The following RBM25 variants were observed in gnomAD, a reference collection of about 807,000 sequenced individuals.
RBM25 encodes RNA-binding protein 25.
RBM25 carries 19 observed loss-of-function variants against 120.7 expected under a neutral mutation model. That is an observed-to-expected ratio of 0.16 (90% CI 0.11 to 0.23). RBM25 has a LOEUF of 0.23. Among genes scored for constraint, RBM25 ranks in the 10% least tolerant of loss-of-function variants. The pLI is 1.00. For missense variants in RBM25, 605 were observed against 1,041.5 expected, an observed-to-expected ratio of 0.58 and a Z score of 5.77; for synonymous variants, 390 against 326.7, an observed-to-expected ratio of 1.19 and a Z score of -2.09.
chr14:73,111,481 A>G (rs1364248507), intron 15 of RBM25, 47 bp from the exon 16 acceptor site: 2 of 1,522,812 alleles, frequency 1.3e-6, no homozygotes, highest in South Asian at 2.6e-5. Context: ...ATAAAATGAA[A>G]CATTTGGAAA....
chr14:73,111,789 C>A lies in RBM25; in HGVS notation c.2279C>A (p.Ser760Tyr). ...CTCTTCGCTTATCCCCTGGATTGGT[C>A]TATTGTGGATTCTGTGAGTAGGAAA... ...PELFAYPLDWSIVDSILMERR... is the reference protein window; with the variant it reads ...PELFAYPLDWYIVDSILMERR... Residue 760 changes from serine to tyrosine, a missense_variant, in exon 16 of 19, where the codon TCT (serine) becomes TAT (tyrosine). Transcript: ENST00000261973. The A allele has an allele frequency of 6.2e-7, 1 of 1,602,082 alleles. No individual in the cohort carries two copies. Among genetic ancestry groups the A allele is most frequent in the Non-Finnish European group, 8.5e-7 (1 of 1,176,000 alleles).
chr14:73,100,683 T>TA lies in RBM25; in HGVS notation c.867+934dup, dbSNP rs368758413. 182 of 178,692 alleles carry TA rather than the reference T, an allele frequency of 1.0e-3. 2 individuals are homozygous for TA. Among genetic ancestry groups the TA allele is most frequent in the African/African-American group, 1.1e-3 (46 of 42,742 alleles). 11.1% of individuals were successfully genotyped at this position (178,692 alleles called of 1,614,324 possible). On this transcript the variant is annotated intron_variant, in intron 9 of 18. Coordinates refer to ENST00000261973, the MANE Select transcript of RBM25 (RefSeq NM_021239.3). ...AAATGTTCATTTTCTCTTTTATTCT[T>TA]ACTTTTTCCCATTGCTTTCAAAATC...
Position 73,106,529 on chromosome 14 carries a change from G to A in RBM25, c.1467+244G>A, listed in dbSNP as rs1174263799. On this transcript the variant is annotated intron_variant, in intron 12 of 18. Transcript: ENST00000261973. The stretch of plus-strand genomic sequence containing the variant: ...ACCATCAAAGTAAATTTGTCATATA[G>A]TAATATTTAAGTCAAGAATTTATTA... 2.0e-5 allele frequency among the ~76,000 whole-genome samples: 3 copies of A among 152,094 alleles called. No individual in the cohort carries two copies. The East Asian group carries it at 5.8e-4, about 29-fold the overall frequency.
rs747955848 is a variant in RBM25 at position 73,106,091 on chromosome 14, G to GA, written c.1377+14dup. 1.9e-6 allele frequency: 3 copies of GA among 1,600,576 alleles called. No individual in the cohort carries two copies. The South Asian group carries it at 3.4e-5, about 18-fold the overall frequency. ...AGCTGCTTATCAAGAGGTAAGTTGA[G>GA]AAAATGCCTTTATTCTTAAATCTTG... On this transcript the variant is annotated intron_variant, in intron 11 of 18. Coordinates refer to ENST00000261973, the MANE Select transcript of RBM25 (RefSeq NM_021239.3).
intron 9 of RBM25, chr14:73,100,298 T>A: frequency 1.4e-6 from 1 of 689,974 alleles, no homozygotes. Flanking sequence ...ACCATTATGA[T>A]AGAGATCATA....
chr14:73,059,014 C>G (rs545792404), intron 1 of RBM25, among the ~76,000 whole-genome samples: 4 of 152,236 alleles, frequency 2.6e-5, no homozygotes, highest in Non-Finnish European at 4.4e-5. Flanking sequence ...CTCTGCCCCC[C>G]CTGGGCTCCA....
At position 73,114,306 on chromosome 14, in the gene RBM25, C is replaced by T; in HGVS notation, c.2412C>T (p.Pro804=). ...VCSKVMAHSS[P]QSILDDVAMV... The stretch of plus-strand genomic sequence containing the variant: ...TTTAGGTTATGGCTCATAGTTCACC[C>T]CAGAGCATTTTAGATGATGTTGCCA... Residue 804 remains proline (P), a synonymous_variant, in exon 18 of 19, where the codon CCC becomes CCT. Transcript: ENST00000261973. 6.4e-7 allele frequency: 1 copy of T among 1,567,224 alleles called. No homozygotes were observed. The highest frequency in any genetic ancestry group is 8.7e-7 in the Non-Finnish European group (1 of 1,155,160).
chr14:73,078,741 A>G (rs1389620823), intron 4 of RBM25, among the ~76,000 whole-genome samples: 2 of 152,142 alleles, frequency 1.3e-5, no homozygotes, highest in African/African-American at 2.4e-5. Flanking sequence ...AGTAGCTGGG[A>G]TTACAGGCGC....
At chr14:73,118,587 T>C (rs1349870359) in intron 18 of RBM25, among the ~76,000 whole-genome samples, 1 of 152,220 alleles carries the variant, frequency 6.6e-6, no homozygotes, top group African/African-American at 2.4e-5. Context: ...TACTGTGTTC[T>C]TTATGAAAAG....
chr14:73,110,409 G>C (rs1247529551), intron 14 of RBM25, among the ~76,000 whole-genome samples: 1 of 151,526 alleles, frequency 6.6e-6, no homozygotes, highest in African/African-American at 2.4e-5. Context: ...TTGAGCCACT[G>C]CCCATGTCCT....
chr14:73,094,227 A>G (rs1895884543), intron 6 of RBM25, among the ~76,000 whole-genome samples: 1 of 151,016 alleles, frequency 6.6e-6, no homozygotes, highest in African/African-American at 2.4e-5. Context: ...TGCTGGGATT[A>G]TAGGTGTGAG....
chr14:73,115,336 C>T (rs1204154988), intron 18 of RBM25, among the ~76,000 whole-genome samples: 2 of 152,152 alleles, frequency 1.3e-5, no homozygotes, highest in Non-Finnish European at 2.9e-5. Context: ...ACCCTCTGCC[C>T]TACGATAGGC....
At chr14:73,074,510 G>GATT (rs755204551) in intron 2 of RBM25, among the ~76,000 whole-genome samples, 139 of 152,158 alleles carry the variant, frequency 9.1e-4, no homozygotes, top group Non-Finnish European at 7.6e-4. Flanking sequence ...AGGGCAGGAG[G>GATT]ATTTCTTGAA....
intron 8 of RBM25, 68 bp downstream of exon 8, chr14:73,099,501 C>T: frequency 6.3e-7 from 1 of 1,585,788 alleles, no homozygotes; most frequent in Non-Finnish European, 8.6e-7. Flanking sequence ...TCATTCTTGT[C>T]TATCTGATTT....
At position 73,103,948 on chromosome 14, in the gene RBM25, T is replaced by TCTCTCTCACACACACACA. The variant is rs1594928335; in HGVS notation, c.1154+471_1154+472insTCTCTCACACACACACAC. On this transcript the variant is annotated intron_variant, in intron 10 of 18. Coordinates refer to ENST00000261973, the MANE Select transcript of RBM25 (RefSeq NM_021239.3). ...CTCTCTCTCTCTCTCTCTCTCTCTC[T>TCTCTCTCACACACACACA]CACACACACACACACACACACACAC... Among the ~76,000 whole-genome samples, 18 of 91,406 alleles carry TCTCTCTCACACACACACA rather than the reference T, an allele frequency of 2.0e-4. 1 individual carries two copies. The highest frequency in any genetic ancestry group is 3.4e-4 in the Non-Finnish European group (14 of 41,068). The allele number at this position is 91,406 out of a possible 152,430, so 60.0% of individuals were successfully genotyped here.
chr14:73,065,855 G>A (rs948086709), intron 1 of RBM25, among the ~76,000 whole-genome samples: 22 of 148,870 alleles, frequency 1.5e-4, no homozygotes, highest in African/African-American at 5.5e-4. Flanking sequence ...GCCCCTGACC[G>A]AGAGTTTTAG....
At chr14:73,076,048 G>A (rs1017803703) in intron 2 of RBM25, among the ~76,000 whole-genome samples, 4 of 152,152 alleles carry the variant, frequency 2.6e-5, no homozygotes, top group South Asian at 2.1e-4. Context: ...ACATGAACCC[G>A]AATGGATAAC....
In RBM25 at chr14:73,121,241, C is replaced by T. The variant is rs1594942424; in HGVS notation, c.*1436C>T. 6.6e-6 allele frequency: 1 copy of T among 152,078 alleles called. No individual in the cohort carries two copies. The highest frequency in any genetic ancestry group is 1.9e-4 in the East Asian group (1 of 5,176). The allele number at this position is 152,078 out of a possible 1,614,324, so 9.4% of individuals were successfully genotyped here. A position where few individuals can be genotyped will look rare whatever the true frequency, so the allele number is the denominator to read the frequency against. ...CACCTGGAGAGGACATTTGAAAACA[C>T]TGTTCTTACCCTCGAACCCTGATGT... On this transcript the variant is annotated 3_prime_UTR_variant, in exon 19 of 19. Coordinates refer to ENST00000261973, the MANE Select transcript of RBM25 (RefSeq NM_021239.3).
intron 5 of RBM25, among the ~76,000 whole-genome samples, chr14:73,086,887 TAG>T (rs1314098480): frequency 6.6e-6 from 1 of 152,036 alleles, no homozygotes; most frequent in Non-Finnish European, 1.5e-5. Flanking sequence ...GTATTTTTAG[TAG>T]AGAGAGGGTT....
Sources: allele counts gnomAD v4.1 joint callset (sites outside exome capture counted in the v4.1 genomes callset), GRCh38; gene constraint gnomAD v4.1.1; transcripts MANE v1.5; gene names NCBI Gene and HGNC (gene_info 2026-07-23, HGNC 2026-07-21).